Variants in DEF6 observed in about 807,000 individuals in gnomAD.
The protein encoded by DEF6 is differentially expressed in FDCP 6 homolog.
Under a neutral mutation model 80.5 loss-of-function variants are expected in DEF6, and 32 were observed. That is an observed-to-expected ratio of 0.40 (90% CI 0.30 to 0.53). The LOEUF is 0.53. Ranked by LOEUF, DEF6 falls within the 20% of genes least tolerant of loss-of-function variation. DEF6 has a pLI of 0.57. For synonymous variants in DEF6, 300 were observed against 337.9 expected, an observed-to-expected ratio of 0.89 and a Z score of 1.23; for missense variants, 575 against 818.7, an observed-to-expected ratio of 0.70 and a Z score of 3.63.
Position 35,319,812 on chromosome 6 carries a change from C to T in DEF6, c.1383-7C>T, listed in dbSNP as rs1791567219. ...TAGAGGCTACACAGTACACACTCAC[C>T]CGGCAGACTGCTGGAAGAGGAGGAA... On this transcript the variant is annotated splice_polypyrimidine_tract_variant and splice_region_variant and intron_variant, in intron 8 of 10. Coordinates refer to ENST00000316637, the MANE Select transcript of DEF6 (RefSeq NM_022047.4). This position sits in a 1 kb window ranked among gnomAD's most constrained non-coding sequence, Gnocchi z 4.5. 1.2e-6 allele frequency: 2 copies of T among 1,600,416 alleles called. No individual in the cohort carries two copies. The highest frequency in any genetic ancestry group is 1.7e-6 in the Non-Finnish European group (2 of 1,173,374).
intron 5 of DEF6, among the ~76,000 whole-genome samples, chr6:35,317,285 T>C (rs1257025190): frequency 2.0e-5 from 3 of 152,254 alleles, no homozygotes; most frequent in Non-Finnish European, 4.4e-5. Flanking sequence ...TCTTAGTGCC[T>C]CAGTTTCTTT....
At chr6:35,314,157 C>G in intron 5 of DEF6, among the ~76,000 whole-genome samples, 1 of 152,118 alleles carries the variant, frequency 6.6e-6, no homozygotes, top group Non-Finnish European at 1.5e-5. Flanking sequence ...CCTGTAATCC[C>G]AGCACTTTGG....
At chr6:35,306,113 C>T (rs914880693) in intron 1 of DEF6, among the ~76,000 whole-genome samples, 33 of 146,366 alleles carry the variant, frequency 2.3e-4, no homozygotes, top group African/African-American at 8.1e-4. Context: ...AGGTGGGTCT[C>T]GAACTCCTGA....
intron 9 of DEF6, 148 bp downstream of exon 9, chr6:35,320,165 A>C: frequency 1.4e-6 from 1 of 716,320 alleles, no homozygotes; most frequent in East Asian, 2.7e-5. Context: ...TCTTGGAGTT[A>C]GTCTCTCACC....
chr6:35,309,904 CT>C (rs1254722299), intron 2 of DEF6, 94 bp downstream of exon 2: 1 of 1,432,234 alleles, frequency 7.0e-7, no homozygotes, highest in African/African-American at 1.4e-5. Flanking sequence ...CTCTTCGCCC[CT>C]GCCATAAACT....
chr6:35,309,906 G>T (rs955249494), intron 2 of DEF6, 96 bp downstream of exon 2: 1 of 1,431,856 alleles, frequency 7.0e-7, no homozygotes, highest in Admixed American at 1.9e-5. Flanking sequence ...CTTCGCCCCT[G>T]CCATAAACTC....
intron 1 of DEF6, among the ~76,000 whole-genome samples, chr6:35,306,899 A>G (rs771415576): frequency 6.6e-6 from 1 of 152,210 alleles, no homozygotes; most frequent in Non-Finnish European, 1.5e-5. Context: ...GGAGGAGACT[A>G]AGGTGTTGGA....
rs1212885551 is a variant in DEF6 at position 35,301,778 on chromosome 6, G to GTA, written c.96+3829_96+3830dup. 2.9e-5 allele frequency among the ~76,000 whole-genome samples: 4 copies of GTA among 139,044 alleles called. No homozygotes were observed. The East Asian group carries it at 8.7e-4, about 30-fold the overall frequency. The allele number at this position is 139,044 out of a possible 152,430, so 91.2% of individuals were successfully genotyped here. A position where few individuals can be genotyped will look rare whatever the true frequency, so the allele number is the denominator to read the frequency against. ...GTCTTGCTCTGTCACCCAGGTTGGAGTATAGTGGTGCAATCTCAGCTCACT... is the reference window on the plus strand; with the variant it reads ...GTCTTGCTCTGTCACCCAGGTTGGAGTATATAGTGGTGCAATCTCAGCTCACT... On this transcript the variant is annotated intron_variant, in intron 1 of 10. Coordinates refer to ENST00000316637, the MANE Select transcript of DEF6 (RefSeq NM_022047.4).
chr6:35,313,247 A>G, intron 5 of DEF6: 1 of 403,024 alleles, frequency 2.5e-6, no homozygotes, highest in Non-Finnish European at 4.7e-6. Context: ...AATAATATGT[A>G]TATATGTGTG....
intron 1 of DEF6, among the ~76,000 whole-genome samples, chr6:35,300,452 G>T (rs950984164): frequency 6.6e-6 from 1 of 152,186 alleles, no homozygotes; most frequent in African/African-American, 2.4e-5. Context: ...GTTGGTAGAC[G>T]GGCTCCCAGT....
At position 35,318,271 on chromosome 6, in the gene DEF6, C is replaced by T. The variant is rs758302017; in HGVS notation, c.1015C>T (p.Arg339Cys). The change falls in exon 7 of 11, where the codon CGC becomes TGC. Residue 339 changes from arginine to cysteine, a missense_variant. Physicochemically the swap from Arg to Cys is radical, Grantham distance 180. Transcript: ENST00000316637. This position sits in a 1 kb window ranked among gnomAD's most constrained non-coding sequence, Gnocchi z 5.1. ...RREQREQRER[R>C]RAAKEEELLR... is the part of the protein sequence containing the mutation. ...CGAGCAGCGGGAGCAGCGGGAGCGG[C>T]GCCGGGCGGCCAAGGAAGAGGAGCT... 1.5e-5 allele frequency: 24 copies of T among 1,570,666 alleles called. No homozygotes were observed. The highest frequency in any genetic ancestry group is 5.2e-6 in the Non-Finnish European group (6 of 1,159,744).
intron 1 of DEF6, among the ~76,000 whole-genome samples, chr6:35,308,509 C>T (rs1390607415): frequency 6.6e-6 from 1 of 151,832 alleles, no homozygotes; most frequent in Non-Finnish European, 1.5e-5. Flanking sequence ...CCTGTCTCTA[C>T]TAAAAATACA....
chr6:35,303,289 T>G (rs953107311), intron 1 of DEF6, among the ~76,000 whole-genome samples: 1 of 152,136 alleles, frequency 6.6e-6, no homozygotes, highest in African/African-American at 2.4e-5. Context: ...CTCAAATAAC[T>G]GTGCTGTTAT....
chr6:35,309,675 G>A lies in DEF6; in HGVS notation c.102G>A (p.Leu34=). 6.2e-7 allele frequency: 1 copy of A among 1,613,738 alleles called. No individual in the cohort carries two copies. Among genetic ancestry groups the A allele is most frequent in the Non-Finnish European group, 8.5e-7 (1 of 1,179,840 alleles). The change falls in exon 2 of 11, where the codon CTG becomes CTA. Residue 34 remains leucine, a synonymous_variant. Transcript: ENST00000316637. ...GCCACTCTACTCTATCCCAGGTGCT[G>A]TCCCACAACCTGTACACGGTCCTGC... is the stretch of plus-strand genomic sequence containing the variant. ...GKVSKSQLKV[L]SHNLYTVLHI...
At chr6:35,313,609 C>T (rs1185219161) in intron 5 of DEF6, among the ~76,000 whole-genome samples, 2 of 152,196 alleles carry the variant, frequency 1.3e-5, no homozygotes, top group Admixed American at 6.5e-5. Flanking sequence ...CTTTGTCCTC[C>T]CCCCACACTT....
intron 2 of DEF6, 146 bp downstream of exon 2, chr6:35,309,956 C>T (rs1275589742): frequency 6.4e-6 from 6 of 930,472 alleles, no homozygotes; most frequent in East Asian, 5.3e-5. Flanking sequence ...TGTCCCATCA[C>T]GTCCCTCACA....
chr6:35,314,162 C>A (rs988636475), intron 5 of DEF6, among the ~76,000 whole-genome samples: 2 of 152,148 alleles, frequency 1.3e-5, no homozygotes, highest in Non-Finnish European at 2.9e-5. Flanking sequence ...AATCCCAGCA[C>A]TTTGGGAGGC....
chr6:35,321,171 G>A lies in DEF6; in HGVS notation c.1673-16G>A. 6.2e-7 allele frequency: 1 copy of A among 1,610,498 alleles called. No homozygotes were observed. Among genetic ancestry groups the A allele is most frequent in the Non-Finnish European group, 8.5e-7 (1 of 1,179,044 alleles). ...TGCATGCCTTTCTCCTTACTTGCCTGCCTTCTCTCTGCCAGATAAGCGTCC... is the reference window on the plus strand; with the variant it reads ...TGCATGCCTTTCTCCTTACTTGCCTACCTTCTCTCTGCCAGATAAGCGTCC... On this transcript the variant is annotated splice_polypyrimidine_tract_variant and intron_variant, in intron 10 of 10. Coordinates refer to ENST00000316637, the MANE Select transcript of DEF6 (RefSeq NM_022047.4).
Position 35,317,748 on chromosome 6 carries a change from C to T in DEF6, c.808-143C>T, listed in dbSNP as rs1172770575. On this transcript the variant is annotated intron_variant, in intron 5 of 10. Coordinates refer to ENST00000316637, the MANE Select transcript of DEF6 (RefSeq NM_022047.4). ...CTTAAGTCCCCCATAACTTATGATG[C>T]AAGCCATGCAGGCTCCTGGCAGAGT... The T allele has an allele frequency of 1.1e-5, 7 of 624,146 alleles. No individual in the cohort carries two copies. The East Asian group carries it at 2.1e-4, about 19-fold the overall frequency. The allele number at this position is 624,146 out of a possible 1,614,324, so 38.7% of individuals were successfully genotyped here. A position where few individuals can be genotyped will look rare whatever the true frequency, so the allele number is the denominator to read the frequency against.
Sources: allele counts gnomAD v4.1 joint callset (sites outside exome capture counted in the v4.1 genomes callset), GRCh38; gene constraint gnomAD v4.1.1; non-coding constraint Gnocchi (gnomAD v3.1); transcripts MANE v1.5; gene names NCBI Gene and HGNC (gene_info 2026-07-23, HGNC 2026-07-21).